The following JAK2 variants were observed in gnomAD, a reference collection of about 807,000 sequenced individuals.
The protein encoded by JAK2 is Janus kinase 2.
Under a neutral mutation model 139.3 loss-of-function variants are expected in JAK2, and 86 were observed. That is an observed-to-expected ratio of 0.62 (90% confidence interval 0.52 to 0.74). The LOEUF is 0.74. Ranked by LOEUF, JAK2 falls within the 30% of genes least tolerant of loss-of-function variation. The probability of loss-of-function intolerance (pLI) is 0.00; values close to 1 mark genes in which losing one functional copy is unlikely to be tolerated. For synonymous variants in JAK2, 490 were observed against 437.7 expected (o/e 1.12, Z -1.49); for missense variants, 1,421 against 1,360.3 (o/e 1.04, Z -0.70).
intron 12 of JAK2, among the ~76,000 whole-genome samples, chr9:5,071,636 G>A (rs1818955376): frequency 6.6e-6 from 1 of 152,140 alleles, no homozygotes; most frequent in East Asian, 1.9e-4. Context: ...GAAAGAAATG[G>A]ATTATATGAA....
At chr9:5,122,891 A>G in intron 22 of JAK2, 113 bp from the exon 23 acceptor site, 6 of 650,584 alleles carry the variant, frequency 9.2e-6, no homozygotes, top group Non-Finnish European at 7.6e-6. Context: ...GCCTGCTGTG[A>G]TAACTCTTTT....
rs150760370 is a variant in JAK2, at chr9:5,029,706, C to T, written c.227-77C>T. The T allele has an allele frequency of 1.4e-3, 1,791 of 1,318,614 alleles. 22 individuals carry two copies. In the African/African-American group the frequency reaches 0.024, roughly 18 times the overall value. The allele number at this position is 1,318,614 out of a possible 1,614,324, so 81.7% of individuals were successfully genotyped here. ...ATTTTAAGAGTTGTTACTTTAGCTTCATTTCAAATTATAGGTGCTATGTAA... is the reference window on the plus strand; with the variant it reads ...ATTTTAAGAGTTGTTACTTTAGCTTTATTTCAAATTATAGGTGCTATGTAA... On this transcript the variant is annotated intron_variant, in intron 3 of 24. Coordinates refer to ENST00000381652, the MANE Select transcript of JAK2 (RefSeq NM_004972.4).
At chr9:5,056,342 C>G (rs767441917) in intron 8 of JAK2, among the ~76,000 whole-genome samples, 3 of 151,902 alleles carry the variant, frequency 2.0e-5, no homozygotes, top group Non-Finnish European at 4.4e-5. Flanking sequence ...TTATTTTATA[C>G]TTTGCTCTTA....
intron 19 of JAK2, 36 bp from the exon 20 acceptor site, chr9:5,089,638 C>G: frequency 1.0e-6 from 1 of 1,001,854 alleles, no homozygotes; most frequent in Non-Finnish European, 1.3e-6. Context: ...GCCTTGAAAA[C>G]TTGGTATTTC....
At chr9:4,998,256 T>A (rs1171715215) in intron 2 of JAK2, among the ~76,000 whole-genome samples, 1 of 151,896 alleles carries the variant, frequency 6.6e-6, no homozygotes, top group Non-Finnish European at 1.5e-5. Flanking sequence ...CTCCAACGGG[T>A]TTTTTTGTTG....
At position 5,004,159 on chromosome 9, in the gene JAK2, C is replaced by T. The variant is rs575034971; in HGVS notation, c.-25-17804C>T. On this transcript the variant is annotated intron_variant, in intron 2 of 24. Transcript: ENST00000381652. ...GTGGTGAGAACACTTAAAATCTACT[C>T]TTAGCAATTTTCAAGTATACGATAT... Among the ~76,000 whole-genome samples, 3 of 152,226 alleles carry T rather than the reference C, an allele frequency of 2.0e-5. No homozygotes were observed. The East Asian group carries it at 5.8e-4, about 29-fold the overall frequency.
rs1375700151 is a variant in JAK2, at chr9:5,129,166, G to A, written c.*2375G>A. 6.6e-6 allele frequency among the ~76,000 whole-genome samples: 1 copy of A among 152,030 alleles called. No homozygotes were observed. Among genetic ancestry groups the A allele is most frequent in the African/African-American group, 2.4e-5 (1 of 41,418 alleles). ...ACAAAAGAGTTAGCAAATACCTACAGTTCTGTATCTATAGAGCCAATCTTG... is the reference window on the plus strand; with the variant it reads ...ACAAAAGAGTTAGCAAATACCTACAATTCTGTATCTATAGAGCCAATCTTG... On this transcript the variant is annotated 3_prime_UTR_variant, in exon 25 of 25. Transcript: ENST00000381652.
At chr9:5,008,480 G>C (rs1000297362) in intron 2 of JAK2, among the ~76,000 whole-genome samples, 3 of 152,180 alleles carry the variant, frequency 2.0e-5, no homozygotes, top group Admixed American at 2.0e-4. Context: ...AGTTGTCTTG[G>C]ATAGTGGAAG....
intron 4 of JAK2, among the ~76,000 whole-genome samples, chr9:5,042,927 G>A (rs1404501941): frequency 6.6e-6 from 1 of 152,194 alleles, no homozygotes; most frequent in African/African-American, 2.4e-5. Flanking sequence ...GGCCCTGCTA[G>A]GAGGGTGCTT....
intron 22 of JAK2, chr9:5,097,529 T>G (rs2130724622): frequency 6.6e-6 from 1 of 152,282 alleles, no homozygotes; most frequent in Non-Finnish European, 1.5e-5. Context: ...GCACACCATA[T>G]ATTTACAGTA....
chr9:5,124,189 G>T (rs878899316), intron 23 of JAK2, among the ~76,000 whole-genome samples: 1 of 151,726 alleles, frequency 6.6e-6, no homozygotes, highest in Admixed American at 6.6e-5. Context: ...TATTGATTTT[G>T]CTATGCTGAA....
At chr9:5,111,058 CTT>C in intron 22 of JAK2, 1 of 1,123,962 alleles carries the variant, frequency 8.9e-7, no homozygotes, top group Non-Finnish European at 1.3e-6. Flanking sequence ...AGGTTCAGGT[CTT>C]GAGAACTGGC....
chr9:5,033,813 T>G (rs533806499), intron 4 of JAK2, among the ~76,000 whole-genome samples: 2 of 152,270 alleles, frequency 1.3e-5, no homozygotes, highest in African/African-American at 4.8e-5. Context: ...CCATCGAGGC[T>G]AGGAAGAAAC....
At chr9:4,999,390 C>T (rs902471843) in intron 2 of JAK2, among the ~76,000 whole-genome samples, 16 of 152,200 alleles carry the variant, frequency 1.1e-4, no homozygotes, top group African/African-American at 3.6e-4. Flanking sequence ...GACCAAATGT[C>T]TCTTCATATA....
At chr9:5,103,105 G>C (rs1051554787) in intron 22 of JAK2, among the ~76,000 whole-genome samples, 1 of 151,252 alleles carries the variant, frequency 6.6e-6, no homozygotes, top group African/African-American at 2.4e-5. Flanking sequence ...CTGGCAAATT[G>C]GATAAAGATT....
chr9:5,043,115 C>G (rs1016590718), intron 4 of JAK2, among the ~76,000 whole-genome samples: 1 of 152,164 alleles, frequency 6.6e-6, no homozygotes, highest in Non-Finnish European at 1.5e-5. Flanking sequence ...TGCCTTAAAG[C>G]CCCCGACCCA....
intron 2 of JAK2, among the ~76,000 whole-genome samples, chr9:4,999,161 T>C (rs1018593322): frequency 6.6e-6 from 1 of 152,168 alleles, no homozygotes; most frequent in Admixed American, 6.5e-5. Flanking sequence ...GTCATGTGTG[T>C]ACTTCTGACG....
At chr9:5,085,020 T>C in intron 19 of JAK2, 1 of 843,636 alleles carries the variant, frequency 1.2e-6, no homozygotes, top group Admixed American at 1.8e-5. Context: ...GAGTACAATT[T>C]CTGAAAGTTG....
Position 5,085,760 on chromosome 9 carries a change from A to C in JAK2, c.2571+3899A>C. Reference sequence around the variant, plus strand: ...CTGTGGCGCGCTGGCTAGCTTGCACATGTCGGGAGTTATTATGATGAATAT... The same window carrying C: ...CTGTGGCGCGCTGGCTAGCTTGCACCTGTCGGGAGTTATTATGATGAATAT... On this transcript the variant is annotated intron_variant, in intron 19 of 24. Transcript: ENST00000381652. The C allele has an allele frequency of 5.3e-6, 4 of 754,682 alleles. No individual in the cohort carries two copies. In the Admixed American group the frequency reaches 7.0e-5, roughly 13 times the overall value. 46.7% of individuals were successfully genotyped at this position (754,682 alleles called of 1,614,324 possible).
Sources: allele counts gnomAD v4.1 joint callset (sites outside exome capture counted in the v4.1 genomes callset), GRCh38; gene constraint gnomAD v4.1.1; transcripts MANE v1.5; gene names NCBI Gene and HGNC (gene_info 2026-07-23, HGNC 2026-07-21).